RAMP3: variants seen among roughly 807,000 people sequenced by gnomAD.
RAMP3 encodes receptor activity modifying protein 3, also known as receptor activity-modifying protein 3.
RAMP3 carries 14 observed loss-of-function variants against 13.5 expected under a neutral mutation model. The observed-to-expected ratio is 1.04, with a 90% CI of 0.69 to 1.63. RAMP3 has a LOEUF of 1.63. RAMP3 is among the 40% of genes most tolerant of loss of function. The probability of loss-of-function intolerance (pLI) is 0.00; values close to 1 mark genes in which losing one functional copy is unlikely to be tolerated. For missense variants in RAMP3, 200 were observed against 204.8 expected (o/e 0.98, Z 0.14); for synonymous variants, 106 against 88.3 (o/e 1.20, Z -1.12).
chr7:45,172,092 C>T (rs1487503321), intron 1 of RAMP3, among the ~76,000 whole-genome samples: 4 of 152,190 alleles, frequency 2.6e-5, no homozygotes, highest in Non-Finnish European at 5.9e-5. Context: ...CCTGCCATGC[C>T]TGGTGCAGAA....
In RAMP3 at chr7:45,182,491, T is replaced by TG. The variant is rs752058216; in HGVS notation, c.192-663dup. 5.9e-5 allele frequency among the ~76,000 whole-genome samples: 9 copies of TG among 152,182 alleles called. No individual in the cohort carries two copies. The East Asian group carries it at 1.7e-3, about 29-fold the overall frequency. On this transcript the variant is annotated intron_variant, in intron 2 of 2. Coordinates refer to ENST00000242249, the MANE Select transcript of RAMP3 (RefSeq NM_005856.3). ...CATGAGGACTGTCCAGAGCCTGTGC[T>TG]GGGCGGTCATGGAGCATCATGGGTG...
chr7:45,181,369 C>T (rs572610689), intron 2 of RAMP3, among the ~76,000 whole-genome samples: 14 of 152,368 alleles, frequency 9.2e-5, no homozygotes, highest in Middle Eastern at 3.4e-3. Context: ...GCTTTCAGCC[C>T]TGCCTCACCT....
At chr7:45,161,958 A>G (rs973866704) in intron 1 of RAMP3, among the ~76,000 whole-genome samples, 1 of 152,168 alleles carries the variant, frequency 6.6e-6, no homozygotes, top group South Asian at 2.1e-4. Flanking sequence ...GAGTGACGCC[A>G]GACCCAGGGG....
In RAMP3 at chr7:45,177,349, G is replaced by T; in HGVS notation, c.99G>T (p.Met33Ile). The change falls in exon 2 of 3, where the codon ATG (methionine) becomes ATT (isoleucine). Residue 33 changes from methionine to isoleucine, a missense_variant. By Grantham distance (10) the Met-to-Ile change is conservative. Coordinates refer to ENST00000242249, the MANE Select transcript of RAMP3 (RefSeq NM_005856.3). ...CAGGCGGCTGCAACGAGACAGGCATGTTGGAGAGGCTGCCCCTGTGTGGGA... is the reference window on the plus strand; with the variant it reads ...CAGGCGGCTGCAACGAGACAGGCATTTTGGAGAGGCTGCCCCTGTGTGGGA... ...PRAGGCNETG[M>I]LERLPLCGKA... 4 of 1,614,178 alleles carry T rather than the reference G, an allele frequency of 2.5e-6. No homozygotes were observed. The highest frequency in any genetic ancestry group is 3.4e-6 in the Non-Finnish European group (4 of 1,179,996).
chr7:45,172,260 G>C (rs1339303757), intron 1 of RAMP3, among the ~76,000 whole-genome samples: 1 of 152,250 alleles, frequency 6.6e-6, no homozygotes, highest in Middle Eastern at 3.2e-3. Context: ...AGCTGGGGTA[G>C]AGAGAACCTC....
rs150807858 is a variant in RAMP3, at chr7:45,158,129, G to A, written c.58+243G>A. On this transcript the variant is annotated intron_variant, in intron 1 of 2. Coordinates refer to ENST00000242249, the MANE Select transcript of RAMP3 (RefSeq NM_005856.3). ...AGGGCCCCCTCCGGGGTCTTCTGAC[G>A]GCAGGGTCCGGCAGCCCCCGGTCCT... Among the ~76,000 whole-genome samples the A allele has an allele frequency of 9.9e-3, 1,503 of 152,330 alleles. 17 individuals are homozygous for A. Among genetic ancestry groups the A allele is most frequent in the African/African-American group, 0.034 (1,430 of 41,578 alleles).
At position 45,183,346 on chromosome 7, in the gene RAMP3, CGTT is replaced by C; in HGVS notation, c.382_384del (p.Val128del). ...TCATCCCGCTGATCGTTATACCCGT[CGTT>C]CTGACTGTCGCCATGGCTGGCCTGG... On this transcript the variant is annotated inframe_deletion, in exon 3 of 3. Coordinates refer to ENST00000242249, the MANE Select transcript of RAMP3 (RefSeq NM_005856.3). 1 of 1,614,008 alleles carries C rather than the reference CGTT, an allele frequency of 6.2e-7. No homozygotes were observed. Among genetic ancestry groups the C allele is most frequent in the South Asian group, 1.1e-5 (1 of 91,088 alleles).
intron 2 of RAMP3, among the ~76,000 whole-genome samples, chr7:45,181,335 G>A (rs1260139626): frequency 2.0e-5 from 3 of 152,232 alleles, no homozygotes; most frequent in Non-Finnish European, 4.4e-5. Flanking sequence ...CTTTGGCTGG[G>A]AGTGGGGTTT....
Position 45,183,263 on chromosome 7 carries a change from T to C in RAMP3, c.298T>C (p.Phe100Leu). Residue 100 changes from phenylalanine to leucine, a missense_variant, in exon 3 of 3, where the codon TTC (phenylalanine) becomes CTC (leucine). Transcript: ENST00000242249. Reference protein sequence around the residue: ...QGFITGIHRQFFSNCTVDRVH... With the variant: ...QGFITGIHRQLFSNCTVDRVH... ...CTTCATCACCGGCATCCACAGGCAGTTCTTCTCCAACTGCACCGTGGACAG... is the reference window on the plus strand; with the variant it reads ...CTTCATCACCGGCATCCACAGGCAGCTCTTCTCCAACTGCACCGTGGACAG... 4 of 1,613,864 alleles carry C rather than the reference T, an allele frequency of 2.5e-6. No homozygotes were observed. The African/African-American group carries it at 4.0e-5, about 16-fold the overall frequency.
chr7:45,165,847 A>G (rs536816021), intron 1 of RAMP3, among the ~76,000 whole-genome samples: 1 of 152,238 alleles, frequency 6.6e-6, no homozygotes, highest in African/African-American at 2.4e-5. Flanking sequence ...AGGTTCATTC[A>G]TATAGTGGTA....
At chr7:45,180,475 G>C (rs772492731) in intron 2 of RAMP3, among the ~76,000 whole-genome samples, 3 of 152,236 alleles carry the variant, frequency 2.0e-5, no homozygotes, top group Non-Finnish European at 2.9e-5. Context: ...CAGGAGTCGA[G>C]TCATGGCTGG....
intron 1 of RAMP3, among the ~76,000 whole-genome samples, chr7:45,175,778 C>T (rs567603236): frequency 1.3e-5 from 2 of 152,160 alleles, no homozygotes; most frequent in Admixed American, 1.3e-4. Context: ...TGGCCTTAGA[C>T]AAGCCACTCC....
At chr7:45,166,041 G>A (rs1179400815) in intron 1 of RAMP3, among the ~76,000 whole-genome samples, 2 of 152,188 alleles carry the variant, frequency 1.3e-5, no homozygotes, top group East Asian at 3.8e-4. Context: ...GAGTGGAACT[G>A]TGTAGTCATA....
chr7:45,176,292 C>A (rs1786184773), intron 1 of RAMP3, among the ~76,000 whole-genome samples: 1 of 152,078 alleles, frequency 6.6e-6, no homozygotes, highest in Non-Finnish European at 1.5e-5. Context: ...TAGCCCAGCA[C>A]CAGCCGCCGG....
chr7:45,161,773 G>A (rs1337460555), intron 1 of RAMP3, among the ~76,000 whole-genome samples: 1 of 152,078 alleles, frequency 6.6e-6, no homozygotes, highest in Non-Finnish European at 1.5e-5. Context: ...GGGGGACCAG[G>A]CCAAGTGGTC....
chr7:45,176,573 C>T (rs755722659), intron 1 of RAMP3, among the ~76,000 whole-genome samples: 6 of 152,046 alleles, frequency 3.9e-5, no homozygotes, highest in Non-Finnish European at 7.4e-5. Context: ...ATGGGATGAC[C>T]GTGGAGACAG....
chr7:45,173,615 C>T (rs928707807), intron 1 of RAMP3, among the ~76,000 whole-genome samples: 23 of 152,286 alleles, frequency 1.5e-4, no homozygotes, highest in African/African-American at 4.3e-4. Flanking sequence ...TCCAAGTTTC[C>T]CAGTGCCCAG....
At chr7:45,180,855 AAGG>A (rs1786295552) in intron 2 of RAMP3, among the ~76,000 whole-genome samples, 1 of 152,188 alleles carries the variant, frequency 6.6e-6, no homozygotes. Flanking sequence ...AGCCTGACTG[AAGG>A]AGGAGTGGAG....
At chr7:45,173,486 G>T (rs1786118697) in intron 1 of RAMP3, among the ~76,000 whole-genome samples, 1 of 152,240 alleles carries the variant, frequency 6.6e-6, no homozygotes, top group South Asian at 2.1e-4. Context: ...TATTGCTTTT[G>T]TGGAAGGAAG....
Sources: allele counts gnomAD v4.1 joint callset (sites outside exome capture counted in the v4.1 genomes callset), GRCh38; gene constraint gnomAD v4.1.1; transcripts MANE v1.5; gene names NCBI Gene and HGNC (gene_info 2026-07-23, HGNC 2026-07-21).